Variants in SPHKAP observed in about 807,000 individuals in gnomAD.
SPHKAP encodes SPHK1 interactor, AKAP domain containing.
In SPHKAP, 67 loss-of-function variants were observed where a neutral mutation model predicts 137.5. That is an observed-to-expected ratio of 0.49 (90% CI 0.40 to 0.60). SPHKAP has a LOEUF of 0.60. Ranked by LOEUF, SPHKAP falls within the 20% of genes least tolerant of loss-of-function variation. The probability of loss-of-function intolerance (pLI) is 0.00; values close to 1 mark genes in which losing one functional copy is unlikely to be tolerated. For missense variants in SPHKAP, 2,097 were observed against 2,069.3 expected (o/e 1.01, Z -0.26); for synonymous variants, 813 against 785.3 (o/e 1.04, Z -0.59).
At chr2:227,995,310 A>G (rs1693594139) in intron 8 of SPHKAP, among the ~76,000 whole-genome samples, 199 bp downstream of exon 8, 1 of 152,224 alleles carries the variant, frequency 6.6e-6, no homozygotes, top group Non-Finnish European at 1.5e-5. Context: ...GGCCAAAGTA[A>G]TTTAAGCCAT....
intron 3 of SPHKAP, among the ~76,000 whole-genome samples, chr2:228,078,742 T>C (rs1697261189): frequency 6.6e-6 from 1 of 152,100 alleles, no homozygotes; most frequent in Non-Finnish European, 1.5e-5. Flanking sequence ...GGAAGGACAG[T>C]GTGACATTAC....
At chr2:228,056,857 G>A (rs1286997557) in intron 3 of SPHKAP, among the ~76,000 whole-genome samples, 1 of 152,114 alleles carries the variant, frequency 6.6e-6, no homozygotes, top group Non-Finnish European at 1.5e-5. Context: ...ATTTAAAGTG[G>A]GTTGGCCTAC....
rs76219645 is a variant in SPHKAP at position 228,117,395 on chromosome 2, G to A, written c.139-8456C>T. Among the ~76,000 whole-genome samples the A allele has an allele frequency of 7.8e-4, 118 of 152,188 alleles. 1 individual carries two copies. The East Asian group carries it at 0.021, about 27-fold the overall frequency. On this transcript the variant is annotated intron_variant, in intron 2 of 11. Transcript: ENST00000392056. ...GAGAAGCCCATTGGAAGAGGCATGG[G>A]CATCACTCAGAGGAGACTCTCCAGG...
chr2:228,033,140 C>A (rs574578115), intron 3 of SPHKAP, among the ~76,000 whole-genome samples: 140 of 152,132 alleles, frequency 9.2e-4, no homozygotes, highest in Non-Finnish European at 1.5e-3. Flanking sequence ...ACCCATCTCA[C>A]GTGCAGAGAC....
At chr2:227,991,499 A>T in intron 9 of SPHKAP, 173 bp from the exon 10 acceptor site, 1 of 985,438 alleles carries the variant, frequency 1.0e-6, no homozygotes, top group African/African-American at 1.7e-5. Context: ...ATTATGTAAG[A>T]TCACTGGGTC....
At chr2:228,091,514 T>A (rs759226631) in intron 3 of SPHKAP, among the ~76,000 whole-genome samples, 14 of 152,068 alleles carry the variant, frequency 9.2e-5, no homozygotes, top group African/African-American at 2.9e-4. Flanking sequence ...TCACAATCTA[T>A]ACACCTGACA....
At chr2:228,097,217 A>T (rs1456329685) in intron 3 of SPHKAP, among the ~76,000 whole-genome samples, 1 of 152,188 alleles carries the variant, frequency 6.6e-6, no homozygotes. Context: ...AATTGTATAA[A>T]ATTTGAAACT....
chr2:228,045,870 T>G (rs1696028988), intron 3 of SPHKAP, among the ~76,000 whole-genome samples: 1 of 151,852 alleles, frequency 6.6e-6, no homozygotes, highest in Admixed American at 6.6e-5. Context: ...AAAGCCAAAC[T>G]CACAGAAGCA....
At chr2:228,061,376 G>A (rs1696627708) in intron 3 of SPHKAP, among the ~76,000 whole-genome samples, 1 of 152,018 alleles carries the variant, frequency 6.6e-6, no homozygotes, top group East Asian at 1.9e-4. Flanking sequence ...TGATTCTCCT[G>A]CCTTAGCCTC....
chr2:227,994,477 G>T (rs1411014799), intron 8 of SPHKAP, among the ~76,000 whole-genome samples: 1 of 152,210 alleles, frequency 6.6e-6, no homozygotes, highest in Non-Finnish European at 1.5e-5. Context: ...TTTCAAGCAA[G>T]TCTTCCAAAG....
Position 228,180,827 on chromosome 2 carries a change from T to C in SPHKAP, c.32+740A>G, listed in dbSNP as rs572614306. Reference sequence around the variant, plus strand: ...TCGCAAAGGACTGAGTTAGAAGGAGTGTGGAACAGGGGCAAAAAAGAGACA... The same window carrying C: ...TCGCAAAGGACTGAGTTAGAAGGAGCGTGGAACAGGGGCAAAAAAGAGACA... On this transcript the variant is annotated intron_variant, in intron 1 of 11. Coordinates refer to ENST00000392056, the MANE Select transcript of SPHKAP (RefSeq NM_001142644.2). 3.9e-5 allele frequency among the ~76,000 whole-genome samples: 6 copies of C among 151,958 alleles called. No individual in the cohort carries two copies. In the South Asian group the frequency reaches 1.2e-3, roughly 32 times the overall value.
At chr2:228,133,407 T>C (rs1459795316) in intron 1 of SPHKAP, among the ~76,000 whole-genome samples, 1 of 152,102 alleles carries the variant, frequency 6.6e-6, no homozygotes, top group Non-Finnish European at 1.5e-5. Context: ...ACTTTTAAAA[T>C]AATATGACTG....
rs1313454915 is a variant in SPHKAP at position 228,048,657 on chromosome 2, A to G, written c.247-21114T>C. On this transcript the variant is annotated intron_variant, in intron 3 of 11. Coordinates refer to ENST00000392056, the MANE Select transcript of SPHKAP (RefSeq NM_001142644.2). ...TTACCATTGTGTTACAATTGCCAACAGTATTCAGAACAGTAACCTGCTGTA... is the reference window on the plus strand; with the variant it reads ...TTACCATTGTGTTACAATTGCCAACGGTATTCAGAACAGTAACCTGCTGTA... 5.9e-5 allele frequency among the ~76,000 whole-genome samples: 9 copies of G among 152,206 alleles called. No homozygotes were observed. In the South Asian group the frequency reaches 1.2e-3, roughly 21 times the overall value.
rs761308944 is a variant in SPHKAP at position 228,019,999 on chromosome 2, T to C, written c.855A>G (p.Arg285=). The C allele has an allele frequency of 1.1e-5, 17 of 1,614,114 alleles. No homozygotes were observed. Among genetic ancestry groups the C allele is most frequent in the Non-Finnish European group, 1.4e-5 (16 of 1,180,050 alleles). ...TGTTCTTTGTTAGGTTTTCTGGAGA[T>C]CGTTCTGTTTTAATCAATGGTGTGG... The part of the protein sequence containing the change: ...KYPTPLIKTE[R]SPENLTKNTA... The change falls in exon 7 of 12, where the codon CGA becomes CGG. Residue 285 remains arginine, a synonymous_variant. Coordinates refer to ENST00000392056, the MANE Select transcript of SPHKAP (RefSeq NM_001142644.2).
chr2:228,065,359 A>G (rs1048645855), intron 3 of SPHKAP, among the ~76,000 whole-genome samples: 7 of 152,200 alleles, frequency 4.6e-5, no homozygotes, highest in Non-Finnish European at 1.0e-4. Flanking sequence ...AGGTACCAGC[A>G]TTGCCATGAG....
chr2:228,126,807 C>A (rs1699088497), intron 2 of SPHKAP, among the ~76,000 whole-genome samples: 1 of 152,112 alleles, frequency 6.6e-6, no homozygotes, highest in Admixed American at 6.5e-5. Context: ...CTTCCAGGGA[C>A]CATATTTCTC....
intron 3 of SPHKAP, among the ~76,000 whole-genome samples, chr2:228,087,620 G>T (rs1363178852): frequency 6.6e-6 from 1 of 152,062 alleles, no homozygotes; most frequent in South Asian, 2.1e-4. Flanking sequence ...ATTTAAAAGA[G>T]CCATATGAAA....
chr2:228,014,185 T>A (rs190491184), intron 7 of SPHKAP, among the ~76,000 whole-genome samples: 252 of 152,318 alleles, frequency 1.7e-3, no homozygotes, highest in African/African-American at 5.6e-3. Flanking sequence ...AACTACTATT[T>A]CATGAACATT....
At chr2:228,095,555 A>T in intron 3 of SPHKAP, among the ~76,000 whole-genome samples, 1 of 152,184 alleles carries the variant, frequency 6.6e-6, no homozygotes, top group East Asian at 1.9e-4. Context: ...CAGTGAAAAC[A>T]TGTCAGTAGA....
Sources: gnomAD v4.1 joint callset for allele counts (sites outside exome capture counted in the v4.1 genomes callset) on GRCh38, gnomAD v4.1.1 for gene constraint, MANE v1.5 for transcripts, NCBI Gene and HGNC (gene_info 2026-07-23, HGNC 2026-07-21) for gene names.